MCTP1: variants seen among roughly 807,000 people sequenced by gnomAD.
MCTP1 encodes the protein multiple C2 and transmembrane domain-containing protein 1.
A neutral mutation model predicts 120.6 loss-of-function variants in MCTP1; 69 were observed. That is an observed-to-expected ratio of 0.57 (90% CI 0.47 to 0.70). MCTP1 has a LOEUF of 0.70. Among genes scored for constraint, MCTP1 ranks in the 30% least tolerant of loss-of-function variants. MCTP1 has a pLI of 0.00. For missense variants in MCTP1, 1,203 were observed against 1,248.8 expected (o/e 0.96, Z 0.55); for synonymous variants, 529 against 493.1 (o/e 1.07, Z -0.96).
intron 1 of MCTP1, among the ~76,000 whole-genome samples, chr5:95,223,836 T>G (rs1036038625): frequency 6.6e-5 from 10 of 152,228 alleles, no homozygotes; most frequent in African/African-American, 2.4e-4. Flanking sequence ...TAAAAGTTAC[T>G]TCTGAAGTCT....
In MCTP1 at chr5:95,068,833, C is replaced by A. The variant is rs987277893; in HGVS notation, c.721-51349G>T. 51 of 1,262,798 alleles carry A rather than the reference C, an allele frequency of 4.0e-5. 1 individual carries two copies. The Middle Eastern group carries it at 1.1e-3, about 27-fold the overall frequency. 78.2% of individuals were successfully genotyped at this position (1,262,798 alleles called of 1,614,324 possible). A position where few individuals can be genotyped will look rare whatever the true frequency, so the allele number is the denominator to read the frequency against. On this transcript the variant is annotated intron_variant, in intron 1 of 22. Coordinates refer to ENST00000515393, the MANE Select transcript of MCTP1 (RefSeq NM_024717.7). ...TTCCAATCTTACCATACAGGGTCTG[C>A]CAAAGAAATTATAAAAATTTTACGT...
chr5:94,720,453 T>C (rs1760634665), intron 19 of MCTP1, among the ~76,000 whole-genome samples: 1 of 152,150 alleles, frequency 6.6e-6, no homozygotes, highest in South Asian at 2.1e-4. Flanking sequence ...AAAAGACTAA[T>C]AGTATGTTGG....
chr5:95,223,532 G>A (rs1385962871), intron 1 of MCTP1, among the ~76,000 whole-genome samples: 1 of 151,988 alleles, frequency 6.6e-6, no homozygotes, highest in Non-Finnish European at 1.5e-5. Flanking sequence ...GAGTGGACCA[G>A]GTACATTTTG....
At chr5:94,796,650 T>TATATATAATATATATTATATATGTA (rs1561652114) in intron 18 of MCTP1, among the ~76,000 whole-genome samples, 5 of 16,434 alleles carry the variant, frequency 3.0e-4, no homozygotes, top group Non-Finnish European at 3.9e-4. Flanking sequence ...TAATATATAT[T>TATATATAATATATATTATATATGTA]ATATATATTA....
At position 94,868,470 on chromosome 5, in the gene MCTP1, ATATTATTATAATT is replaced by A. The variant is rs1005559610; in HGVS notation, c.2317-31_2317-19del. Reference sequence around the variant, plus strand: ...AGTAGCAGCTGTAAGGAAAATGAAAATATTATTATAATTTGCAAGACTAAAAACCATCAGATAT... The same window carrying A: ...AGTAGCAGCTGTAAGGAAAATGAAAATGCAAGACTAAAAACCATCAGATAT... On this transcript the variant is annotated intron_variant, in intron 16 of 22. Transcript: ENST00000515393. The A allele has an allele frequency of 6.4e-7, 1 of 1,561,966 alleles. No individual in the cohort carries two copies. The highest frequency in any genetic ancestry group is 1.4e-5 in the African/African-American group (1 of 72,918).
chr5:95,082,147 C>T (rs1444521325), intron 1 of MCTP1, among the ~76,000 whole-genome samples: 3 of 152,154 alleles, frequency 2.0e-5, no homozygotes, highest in Admixed American at 1.3e-4. Context: ...AATAGATCTT[C>T]GTGCTTTGCT....
chr5:95,217,489 A>G (rs1292412565), intron 1 of MCTP1, among the ~76,000 whole-genome samples: 1 of 152,228 alleles, frequency 6.6e-6, no homozygotes, highest in Non-Finnish European at 1.5e-5. Flanking sequence ...GGAGGCTTTT[A>G]GTAAAGCCGG....
At chr5:95,160,733 T>TA (rs34723485) in intron 1 of MCTP1, among the ~76,000 whole-genome samples, 11 of 151,478 alleles carry the variant, frequency 7.3e-5, no homozygotes, top group African/African-American at 2.4e-4. Context: ...ACCCAAAATA[T>TA]AGGAACTCAA....
intron 1 of MCTP1, among the ~76,000 whole-genome samples, chr5:95,161,213 C>T (rs994409078): frequency 1.3e-4 from 19 of 151,964 alleles, no homozygotes; most frequent in African/African-American, 3.6e-4. Flanking sequence ...ATCAGATGCA[C>T]GGATAAAGGA....
At chr5:94,945,228 T>C (rs1408592147) in intron 3 of MCTP1, among the ~76,000 whole-genome samples, 1 of 152,134 alleles carries the variant, frequency 6.6e-6, no homozygotes, top group Non-Finnish European at 1.5e-5. Flanking sequence ...TTGGAAACAT[T>C]AGGTAACAGG....
At chr5:95,030,729 A>G (rs553809799) in intron 1 of MCTP1, among the ~76,000 whole-genome samples, 1 of 152,362 alleles carries the variant, frequency 6.6e-6, no homozygotes, top group East Asian at 1.9e-4. Flanking sequence ...AGAAGGAATC[A>G]GCACAAAAAA....
intron 17 of MCTP1, among the ~76,000 whole-genome samples, chr5:94,846,521 G>T (rs1226661855): frequency 6.6e-6 from 1 of 152,186 alleles, no homozygotes; most frequent in East Asian, 1.9e-4. Context: ...AATAGGAGGA[G>T]CGAAAGGATC....
chr5:94,884,567 C>T (rs1347254753), intron 12 of MCTP1, among the ~76,000 whole-genome samples: 7 of 130,530 alleles, frequency 5.4e-5, no homozygotes, highest in African/African-American at 1.8e-4. Context: ...AGTCATGGGC[C>T]GGACCATCTA....
rs1201132520 is a variant in MCTP1 at position 94,870,496 on chromosome 5, A to C, written c.2242-5T>G. ...TGTTCGTAAGCTGGCTTTCACCTAT[A>C]CATCAACATATGTGTCTGTTATGGA... is the stretch of plus-strand genomic sequence containing the variant. On this transcript the variant is annotated splice_region_variant and splice_polypyrimidine_tract_variant and intron_variant, in intron 15 of 22. Coordinates refer to ENST00000515393, the MANE Select transcript of MCTP1 (RefSeq NM_024717.7). The C allele has an allele frequency of 1.3e-6, 2 of 1,579,808 alleles. No homozygotes were observed. Among genetic ancestry groups the C allele is most frequent in the Non-Finnish European group, 1.7e-6 (2 of 1,148,804 alleles).
chr5:94,837,064 G>C (rs1259148228), intron 17 of MCTP1, among the ~76,000 whole-genome samples: 2 of 152,294 alleles, frequency 1.3e-5, no homozygotes, highest in Non-Finnish European at 2.9e-5. Flanking sequence ...GGTAGGGCAA[G>C]TAGTAGAGCA....
At chr5:95,172,336 T>A (rs570717503) in intron 1 of MCTP1, among the ~76,000 whole-genome samples, 1 of 152,200 alleles carries the variant, frequency 6.6e-6, no homozygotes, top group Non-Finnish European at 1.5e-5. Flanking sequence ...TGCCTCCCAG[T>A]TAGGCTACTT....
At chr5:95,124,908 A>G (rs1374569164) in intron 1 of MCTP1, among the ~76,000 whole-genome samples, 4 of 152,206 alleles carry the variant, frequency 2.6e-5, no homozygotes, top group Non-Finnish European at 5.9e-5. Flanking sequence ...GTTAGAACTG[A>G]AAAGTGCTTT....
At chr5:94,947,573 T>TAGAG (rs1819310170) in intron 3 of MCTP1, among the ~76,000 whole-genome samples, 2 of 47,042 alleles carry the variant, frequency 4.3e-5, no homozygotes, top group Non-Finnish European at 8.0e-5. Context: ...TATATATATA[T>TAGAG]ATATAGAGAG....
intron 2 of MCTP1, among the ~76,000 whole-genome samples, chr5:94,955,742 CT>C (rs1413474786): frequency 1.3e-5 from 2 of 152,200 alleles, no homozygotes; most frequent in African/African-American, 4.8e-5. Context: ...CAGAGCATCT[CT>C]GGAAGAAAGG....
Sources: gnomAD v4.1 joint callset for allele counts (sites outside exome capture counted in the v4.1 genomes callset) on GRCh38, gnomAD v4.1.1 for gene constraint, MANE v1.5 for transcripts, NCBI Gene and HGNC (gene_info 2026-07-23, HGNC 2026-07-21) for gene names.